Variants in DNAH11 observed in about 807,000 individuals in gnomAD.
DNAH11 encodes the protein dynein axonemal heavy chain 11.
DNAH11 carries 442 observed loss-of-function variants against 526.0 expected under a neutral mutation model. The observed-to-expected ratio is 0.84, with a 90% confidence interval of 0.78 to 0.91. The LOEUF (loss-of-function observed/expected upper bound fraction) is 0.91, where lower values mean the gene tolerates loss of function less well. DNAH11 is among the 40% of genes least tolerant of loss of function. DNAH11 has a pLI of 0.00. For missense variants in DNAH11, 6,989 were observed against 5,448.7 expected (o/e 1.28, Z -8.90); for synonymous variants, 2,461 against 1,935.9 (o/e 1.27, Z -7.12).
chr7:21,632,553 G>A (rs1786664789), intron 25 of DNAH11, among the ~76,000 whole-genome samples: 1 of 152,092 alleles, frequency 6.6e-6, no homozygotes, highest in African/African-American at 2.4e-5. Flanking sequence ...TCTCTGTCAA[G>A]TTAAAAGTGC....
In DNAH11 at chr7:21,787,553, C is replaced by T. The variant is rs574242411; in HGVS notation, c.9894C>T (p.Ala3298=). 3.7e-6 allele frequency: 6 copies of T among 1,612,194 alleles called. No homozygotes were observed. The South Asian group carries it at 5.5e-5, about 15-fold the overall frequency. ...CTTTTGCAGCAGCTGGCCTGTGTGCCTGGGTCATCAACATCATTAAATTCT... is the reference window on the plus strand; with the variant it reads ...CTTTTGCAGCAGCTGGCCTGTGTGCTTGGGTCATCAACATCATTAAATTCT... ...TKSFAAAGLC[A]WVINIIKFYE... The change falls in exon 60 of 82, where the codon GCC becomes GCT. Residue 3298 remains alanine, a synonymous_variant. Transcript: ENST00000409508.
At position 21,655,977 on chromosome 7, in the gene DNAH11, G is replaced by A. The variant is rs1781999872; in HGVS notation, c.5090G>A (p.Gly1697Asp). The stretch of plus-strand genomic sequence containing the variant: ...TTCCAAGCCGAGTGTGAATGTGTGG[G>A]CCATGTAAGATTTGATTATGAGGTT... ...VPFQAECECV[G>D]HVETWLLQLE... The change falls in exon 29 of 82, where the codon GGC (glycine) becomes GAC (aspartate). Residue 1697 changes from glycine (G) to aspartate (D), a missense_variant. By Grantham distance (94) the Gly-to-Asp change is moderately conservative. Transcript: ENST00000409508. 3 of 1,591,584 alleles carry A rather than the reference G, an allele frequency of 1.9e-6. No homozygotes were observed. In the East Asian group the frequency reaches 6.8e-5, roughly 36 times the overall value.
intron 14 of DNAH11, among the ~76,000 whole-genome samples, chr7:21,593,920 A>C (rs1434815118): frequency 6.7e-6 from 1 of 150,012 alleles, no homozygotes; most frequent in Non-Finnish European, 1.5e-5. Flanking sequence ...CTCTCTCTCT[A>C]ACACACACAC....
At position 21,570,292 on chromosome 7, in the gene DNAH11, A is replaced by G. The variant is rs1562668351; in HGVS notation, c.1418A>G (p.Lys473Arg). Residue 473 changes from lysine to arginine, a missense_variant, in exon 7 of 82, where the codon AAA becomes AGA. Lys to Arg is a conservative substitution (Grantham distance 26). Coordinates refer to ENST00000409508, the MANE Select transcript of DNAH11 (RefSeq NM_001277115.2). ...RFDKFLDRLI[K>R]IEDIFATTLE... is the part of the protein sequence containing the mutation. ...GACAAGTTTCTTGATCGTTTAATAAAAATAGAGGTATTCATTTTTTGATTT... is the reference window on the plus strand; with the variant it reads ...GACAAGTTTCTTGATCGTTTAATAAGAATAGAGGTATTCATTTTTTGATTT... 6.3e-7 allele frequency: 1 copy of G among 1,593,606 alleles called. No individual in the cohort carries two copies. Among genetic ancestry groups the G allele is most frequent in the African/African-American group, 1.4e-5 (1 of 73,528 alleles).
chr7:21,559,891 A>G lies in DNAH11; in HGVS notation c.882+99A>G, dbSNP rs74792549. On this transcript the variant is annotated intron_variant, in intron 4 of 81. Transcript: ENST00000409508. ...AGATTTAACACACTGTCTTTGTATA[A>G]TTTACTGGTCTGCCCTCTTTTCTTA... is the stretch of plus-strand genomic sequence containing the variant. The G allele has an allele frequency of 9.0e-5, 93 of 1,027,758 alleles. No individual in the cohort carries two copies. In the African/African-American group the frequency reaches 1.4e-3, roughly 15 times the overall value. 63.7% of individuals were successfully genotyped at this position (1,027,758 alleles called of 1,614,324 possible). A position where few individuals can be genotyped will look rare whatever the true frequency, so the allele number is the denominator to read the frequency against.
At chr7:21,671,934 T>A (rs1400740565) in intron 30 of DNAH11, among the ~76,000 whole-genome samples, 2 of 152,176 alleles carry the variant, frequency 1.3e-5, no homozygotes, top group Non-Finnish European at 2.9e-5. Flanking sequence ...ATTGCACTGG[T>A]GGTTTTAGCA....
intron 8 of DNAH11, among the ~76,000 whole-genome samples, chr7:21,575,796 T>C (rs1784068895): frequency 6.6e-6 from 1 of 152,248 alleles, no homozygotes; most frequent in Admixed American, 6.5e-5. Flanking sequence ...CTTTGTTTTC[T>C]GCTTTTGCAT....
chr7:21,639,055 A>G lies in DNAH11; in HGVS notation c.4934A>G (p.Gln1645Arg), dbSNP rs745735957. The G allele has an allele frequency of 1.2e-6, 2 of 1,610,090 alleles. No homozygotes were observed. The highest frequency in any genetic ancestry group is 1.7e-6 in the Non-Finnish European group (2 of 1,178,822). Residue 1645 changes from glutamine to arginine, a missense_variant, in exon 28 of 82, where the codon CAG (glutamine) becomes CGG (arginine). Gln to Arg is a conservative substitution (Grantham distance 43). Coordinates refer to ENST00000409508, the MANE Select transcript of DNAH11 (RefSeq NM_001277115.2). ...DLLDILSKGA[Q>R]PKQVTCHLAK... ...CTTGACATTCTCTCAAAAGGAGCTC[A>G]GCCTAAACAGGTAATATTTTTTTTG...
At chr7:21,837,241 CA>C (rs1782030538) in intron 65 of DNAH11, among the ~76,000 whole-genome samples, 1 of 152,062 alleles carries the variant, frequency 6.6e-6, no homozygotes, top group Non-Finnish European at 1.5e-5. Context: ...TATGATGTAT[CA>C]AAAGGAAATG....
Position 21,543,191 on chromosome 7 carries a change from C to T in DNAH11, c.-55C>T. The stretch of plus-strand genomic sequence containing the variant: ...GGTGTCCTCGCTCACTTCGGGGGGC[C>T]CAGAGTCTCGGGTGAGGAGCCAGCC... On this transcript the variant is annotated 5_prime_UTR_variant, in exon 1 of 82. Coordinates refer to ENST00000409508, the MANE Select transcript of DNAH11 (RefSeq NM_001277115.2). The T allele has an allele frequency of 1.4e-6, 2 of 1,460,034 alleles. No individual in the cohort carries two copies. The highest frequency in any genetic ancestry group is 2.5e-5 in the East Asian group (1 of 40,196). The allele number at this position is 1,460,034 out of a possible 1,614,324, so 90.4% of individuals were successfully genotyped here.
chr7:21,725,635 C>T (rs959034767), intron 44 of DNAH11, among the ~76,000 whole-genome samples, 176 bp from the exon 45 acceptor site: 4 of 152,134 alleles, frequency 2.6e-5, no homozygotes, highest in Admixed American at 6.5e-5. Flanking sequence ...GGTAATCTGG[C>T]GTTCACCTAA....
intron 58 of DNAH11, 71 bp from the exon 59 acceptor site, chr7:21,786,553 G>A: frequency 6.7e-7 from 1 of 1,503,512 alleles, no homozygotes; most frequent in Non-Finnish European, 8.9e-7. Flanking sequence ...GCCTTGCTTG[G>A]CAACTTACAG....
At chr7:21,571,340 G>T (rs552534283) in intron 7 of DNAH11, among the ~76,000 whole-genome samples, 40 of 152,252 alleles carry the variant, frequency 2.6e-4, no homozygotes, top group African/African-American at 9.4e-4. Context: ...AAGTGCAGTG[G>T]TGTGAACACA....
rs767231963 is a variant in DNAH11, at chr7:21,591,575, G to T, written c.2665G>T (p.Glu889Ter). The change falls in exon 14 of 82, where the codon GAG becomes TAG. Residue 889 changes from glutamate (E) to a stop codon, truncating the protein, a stop_gained and splice_region_variant. Transcript: ENST00000409508. LOFTEE classifies it high-confidence loss of function. ...GDGCKIHNLV[E>*]ENRKLFKANP... ...TGGCTGCAAGATCCACAACTTGGTC[G>T]AGGTAATGGCTTTTAACCTTTCAAG... is the stretch of plus-strand genomic sequence containing the variant. The T allele has an allele frequency of 6.4e-7, 1 of 1,551,400 alleles. No homozygotes were observed. The highest frequency in any genetic ancestry group is 8.7e-7 in the Non-Finnish European group (1 of 1,146,514).
rs192296726 is a variant in DNAH11 at position 21,698,233 on chromosome 7, G to A, written c.6180+20G>A. On this transcript the variant is annotated intron_variant, in intron 36 of 81. Coordinates refer to ENST00000409508, the MANE Select transcript of DNAH11 (RefSeq NM_001277115.2). ...AAGCAGGTGAGGGATCATTTGTTAC[G>A]TTTTCTTGTTTTTACATACCATTGA... 193 of 1,611,014 alleles carry A rather than the reference G, an allele frequency of 1.2e-4. No homozygotes were observed. In the African/African-American group the frequency reaches 1.3e-3, roughly 11 times the overall value.
At chr7:21,644,819 T>A (rs777836093) in intron 28 of DNAH11, among the ~76,000 whole-genome samples, 9 of 152,230 alleles carry the variant, frequency 5.9e-5, no homozygotes, top group Non-Finnish European at 1.2e-4. Flanking sequence ...GCAGCCTGAT[T>A]CACCTAGAGG....
chr7:21,597,709 C>A (rs1407849958), intron 14 of DNAH11, among the ~76,000 whole-genome samples: 1 of 152,208 alleles, frequency 6.6e-6, no homozygotes, highest in Admixed American at 6.5e-5. Context: ...CACCAGGCCA[C>A]TCTCCCAACA....
chr7:21,728,404 A>G (rs2965376), intron 45 of DNAH11, among the ~76,000 whole-genome samples: 1 of 150,858 alleles, frequency 6.6e-6, no homozygotes, highest in East Asian at 2.0e-4. Flanking sequence ...ACTACAGGCA[A>G]CCCACCACCA....
chr7:21,843,181 A>G (rs1350040850), intron 66 of DNAH11, among the ~76,000 whole-genome samples: 1 of 152,248 alleles, frequency 6.6e-6, no homozygotes, highest in African/African-American at 2.4e-5. Context: ...TTAAGAAACA[A>G]TGCTGAAAAT....
Sources: allele counts gnomAD v4.1 joint callset (sites outside exome capture counted in the v4.1 genomes callset), GRCh38; gene constraint gnomAD v4.1.1; transcripts MANE v1.5; gene names NCBI Gene and HGNC (gene_info 2026-07-23, HGNC 2026-07-21).